PCLO: variants seen among roughly 807,000 people sequenced by gnomAD.
PCLO encodes the protein protein piccolo.
A neutral mutation model predicts 427.5 loss-of-function variants in PCLO; 82 were observed. The observed-to-expected ratio is 0.19, with a 90% CI of 0.16 to 0.23. The LOEUF is 0.23. Ranked by LOEUF, PCLO falls within the 10% of genes least tolerant of loss-of-function variation. The pLI is 1.00. For missense variants in PCLO, 6,239 were observed against 6,115.9 expected (o/e 1.02, Z -0.67); for synonymous variants, 2,357 against 2,155.4 (o/e 1.09, Z -2.59).
chr7:82,841,436 C>A (rs371329901), intron 14 of PCLO, 23 bp downstream of exon 14: 5 of 1,529,044 alleles, frequency 3.3e-6, no homozygotes, highest in Non-Finnish European at 4.5e-6. Context: ...TATATAATGG[C>A]GACTTTTTAA....
chr7:82,899,614 G>A (rs1192681964), intron 9 of PCLO, among the ~76,000 whole-genome samples: 1 of 151,352 alleles, frequency 6.6e-6, no homozygotes, highest in Non-Finnish European at 1.5e-5. Flanking sequence ...GGGGCATTCA[G>A]AGAAAAGATA....
At chr7:82,896,032 C>A (rs141904271) in intron 9 of PCLO, among the ~76,000 whole-genome samples, 2 of 151,932 alleles carry the variant, frequency 1.3e-5, no homozygotes, top group Non-Finnish European at 2.9e-5. Context: ...TCATGAATAT[C>A]CACAAACAAT....
intron 3 of PCLO, among the ~76,000 whole-genome samples, chr7:83,007,590 C>A (rs1397336338): frequency 6.6e-6 from 1 of 151,386 alleles, no homozygotes; most frequent in Admixed American, 6.6e-5. Context: ...GATAAGATAT[C>A]CATTTCTTAT....
At chr7:82,961,578 C>T (rs868854888) in intron 4 of PCLO, among the ~76,000 whole-genome samples, 1 of 152,156 alleles carries the variant, frequency 6.6e-6, no homozygotes, top group African/African-American at 2.4e-5. Context: ...AATGAGAAGA[C>T]ACTAGGATTT....
chr7:83,029,045 T>C (rs1181810504), intron 3 of PCLO, among the ~76,000 whole-genome samples: 1 of 152,094 alleles, frequency 6.6e-6, no homozygotes, highest in African/African-American at 2.4e-5. Flanking sequence ...GACTTAGGCA[T>C]GGGCAAGGAC....
At chr7:82,851,038 G>A (rs897055058) in intron 10 of PCLO, among the ~76,000 whole-genome samples, 6 of 151,940 alleles carry the variant, frequency 3.9e-5, no homozygotes, top group African/African-American at 7.2e-5. Flanking sequence ...TTGGAATGTG[G>A]GATTGGTGAC....
At chr7:83,150,102 T>C (rs1305531202) in intron 2 of PCLO, among the ~76,000 whole-genome samples, 1 of 152,234 alleles carries the variant, frequency 6.6e-6, no homozygotes, top group African/African-American at 2.4e-5. Context: ...TTATGAAATT[T>C]AATAAGAGTT....
chr7:83,038,057 ATATATATT>A (rs1316552762), intron 3 of PCLO, among the ~76,000 whole-genome samples: 8 of 50,284 alleles, frequency 1.6e-4, no homozygotes, highest in South Asian at 1.4e-3. Context: ...ATATCTTTAT[ATATATATT>A]TATATATTTA....
chr7:82,959,447 A>G (rs1162275004), intron 4 of PCLO, among the ~76,000 whole-genome samples: 1 of 152,192 alleles, frequency 6.6e-6, no homozygotes, highest in Non-Finnish European at 1.5e-5. Context: ...AAATGTGACC[A>G]TGGTTATATG....
intron 21 of PCLO, among the ~76,000 whole-genome samples, chr7:82,804,948 A>C (rs6955106): frequency 1.3e-5 from 2 of 151,946 alleles, no homozygotes; most frequent in Non-Finnish European, 2.9e-5. Context: ...ATGGGCAGGA[A>C]AAGGAAAAGT....
intron 6 of PCLO, among the ~76,000 whole-genome samples, chr7:82,948,193 A>G (rs1289484756): frequency 1.3e-5 from 2 of 152,060 alleles, no homozygotes; most frequent in African/African-American, 2.4e-5. Context: ...TTCTCTGTAT[A>G]CTGGATGAAA....
intron 3 of PCLO, among the ~76,000 whole-genome samples, chr7:83,095,296 T>C (rs1208341733): frequency 1.3e-5 from 2 of 152,116 alleles, no homozygotes; most frequent in Non-Finnish European, 2.9e-5. Context: ...TATGTACTGA[T>C]ATGCCTTGTT....
chr7:82,856,624 T>C (rs1165091396), intron 10 of PCLO, among the ~76,000 whole-genome samples: 4 of 152,172 alleles, frequency 2.6e-5, no homozygotes, highest in African/African-American at 9.7e-5. Flanking sequence ...TATCCAATAA[T>C]AGATATGTAA....
chr7:83,037,187 G>A (rs1788815696), intron 3 of PCLO, among the ~76,000 whole-genome samples: 1 of 152,088 alleles, frequency 6.6e-6, no homozygotes. Context: ...CAGGTTGCTA[G>A]GCTACTTTAT....
intron 22 of PCLO, among the ~76,000 whole-genome samples, chr7:82,800,349 A>G (rs569808809): frequency 6.6e-6 from 1 of 152,236 alleles, no homozygotes; most frequent in South Asian, 2.1e-4. Flanking sequence ...CTCTTGTGAT[A>G]ACACACCCAT....
chr7:82,993,153 C>T (rs1481920515), intron 3 of PCLO, among the ~76,000 whole-genome samples: 1 of 151,742 alleles, frequency 6.6e-6, no homozygotes, highest in Non-Finnish European at 1.5e-5. Context: ...CTTTATAATT[C>T]TATATATTCA....
Position 83,096,347 on chromosome 7 carries a change from G to A in PCLO, c.3300+37903C>T, listed in dbSNP as rs1584017781. Among the ~76,000 whole-genome samples, 4 of 152,090 alleles carry A rather than the reference G, an allele frequency of 2.6e-5. No individual in the cohort carries two copies. In the South Asian group the frequency reaches 8.3e-4, roughly 32 times the overall value. On this transcript the variant is annotated intron_variant, in intron 3 of 24. Transcript: ENST00000333891. ...CTGCACTTCAGAAATTTAGTTATCT[G>A]AATTAATATAGCAAAGTGTTTGGAT...
chr7:83,151,185 C>T (rs948263355), intron 2 of PCLO, among the ~76,000 whole-genome samples: 3 of 151,998 alleles, frequency 2.0e-5, no homozygotes, highest in East Asian at 1.9e-4. Context: ...CTTTTGATTG[C>T]GTTTTTTCTT....
chr7:83,147,260 T>C (rs1339905705), intron 2 of PCLO, among the ~76,000 whole-genome samples: 1 of 152,082 alleles, frequency 6.6e-6, no homozygotes, highest in African/African-American at 2.4e-5. Flanking sequence ...CGTAATTAAA[T>C]AATACATGTT....
Sources: allele counts gnomAD v4.1 joint callset (sites outside exome capture counted in the v4.1 genomes callset), GRCh38; gene constraint gnomAD v4.1.1; transcripts MANE v1.5; gene names NCBI Gene and HGNC (gene_info 2026-07-23, HGNC 2026-07-21).